KCNIP4: variants seen among roughly 807,000 people sequenced by gnomAD.
KCNIP4 encodes Kv channel-interacting protein 4.
A neutral mutation model predicts 34.0 loss-of-function variants in KCNIP4; 12 were observed. The observed-to-expected ratio is 0.35, with a 90% CI of 0.23 to 0.57. KCNIP4 has a LOEUF of 0.57. Among genes scored for constraint, KCNIP4 ranks in the 20% least tolerant of loss-of-function variants. The pLI, the probability that KCNIP4 is intolerant of heterozygous loss-of-function variation, is 0.83. For synonymous variants in KCNIP4, 124 were observed against 102.2 expected (o/e 1.21, Z -1.29); for missense variants, 238 against 311.7 (o/e 0.76, Z 1.78).
chr4:20,882,998 A>G (rs183909697), intron 1 of KCNIP4, among the ~76,000 whole-genome samples: 2 of 137,866 alleles, frequency 1.5e-5, no homozygotes, highest in Non-Finnish European at 3.1e-5. Context: ...GCCACCAAAA[A>G]AATCTGGTGG....
chr4:21,687,628 A>T (rs1750917105), intron 1 of KCNIP4, among the ~76,000 whole-genome samples: 1 of 152,188 alleles, frequency 6.6e-6, no homozygotes, highest in Non-Finnish European at 1.5e-5. Flanking sequence ...GAAAACTACA[A>T]TGCCTCCCAG....
intron 1 of KCNIP4, among the ~76,000 whole-genome samples, chr4:21,681,727 C>T (rs868032847): frequency 2.6e-5 from 4 of 152,080 alleles, no homozygotes; most frequent in African/African-American, 7.2e-5. Context: ...ATTGGCTCAC[C>T]GTTCTGCAGG....
chr4:21,649,029 G>T (rs1747266978), intron 1 of KCNIP4, among the ~76,000 whole-genome samples: 1 of 152,088 alleles, frequency 6.6e-6, no homozygotes, highest in South Asian at 2.1e-4. Context: ...CAATTTAGTG[G>T]AAGATAAAGA....
chr4:21,810,638 C>T (rs1007091035), intron 1 of KCNIP4, among the ~76,000 whole-genome samples: 5 of 143,812 alleles, frequency 3.5e-5, no homozygotes, highest in South Asian at 2.2e-4. Flanking sequence ...TGCAGTGAGC[C>T]GAGATCGCGC....
At chr4:21,646,174 C>T (rs1746995496) in intron 1 of KCNIP4, among the ~76,000 whole-genome samples, 1 of 152,170 alleles carries the variant, frequency 6.6e-6, no homozygotes, top group Admixed American at 6.5e-5. Context: ...GTAAAGCCTA[C>T]ATTATTATCC....
intron 1 of KCNIP4, among the ~76,000 whole-genome samples, chr4:21,911,517 T>A (rs1728314826): frequency 7.2e-6 from 1 of 138,634 alleles, no homozygotes; most frequent in Non-Finnish European, 1.6e-5. Flanking sequence ...ACTTTTTTTT[T>A]TTTTTTTTTT....
At chr4:20,925,873 C>T (rs754264924) in intron 1 of KCNIP4, among the ~76,000 whole-genome samples, 6 of 152,214 alleles carry the variant, frequency 3.9e-5, no homozygotes, top group African/African-American at 7.2e-5. Context: ...TAACTCTTTC[C>T]GAGTGGAGTC....
At chr4:20,869,520 A>G (rs1356268710) in intron 2 of KCNIP4, among the ~76,000 whole-genome samples, 2 of 152,100 alleles carry the variant, frequency 1.3e-5, no homozygotes, top group Non-Finnish European at 2.9e-5. Context: ...CTTCAACACT[A>G]GGAGCAGAAC....
At chr4:21,838,872 T>C (rs1027258237) in intron 1 of KCNIP4, among the ~76,000 whole-genome samples, 14 of 152,344 alleles carry the variant, frequency 9.2e-5, no homozygotes, top group Admixed American at 5.9e-4. Context: ...ATTTTTTCTC[T>C]TGAATATCTC....
At chr4:20,833,734 C>A (rs961927712) in intron 3 of KCNIP4, among the ~76,000 whole-genome samples, 1 of 152,120 alleles carries the variant, frequency 6.6e-6, no homozygotes, top group African/African-American at 2.4e-5. Context: ...TTATCCCACA[C>A]ACAGTGCAGT....
intron 1 of KCNIP4, among the ~76,000 whole-genome samples, chr4:21,411,855 C>T (rs893527584): frequency 2.0e-5 from 3 of 151,976 alleles, no homozygotes; most frequent in African/African-American, 7.2e-5. Context: ...TAAAAGAAGT[C>T]AGAATTATCT....
intron 1 of KCNIP4, among the ~76,000 whole-genome samples, chr4:21,600,404 C>T (rs968922833): frequency 2.6e-5 from 4 of 152,006 alleles, no homozygotes; most frequent in African/African-American, 7.2e-5. Context: ...TTTGGGGGTA[C>T]ACGTGCTAGT....
At chr4:21,273,301 A>G (rs541575151) in intron 1 of KCNIP4, among the ~76,000 whole-genome samples, 1 of 152,184 alleles carries the variant, frequency 6.6e-6, no homozygotes, top group African/African-American at 2.4e-5. Context: ...ATTTCTTCCT[A>G]ATTGTTGACT....
chr4:21,800,305 A>G (rs1169441893), intron 1 of KCNIP4, among the ~76,000 whole-genome samples: 1 of 152,192 alleles, frequency 6.6e-6, no homozygotes, highest in Non-Finnish European at 1.5e-5. Context: ...TTCAACTAAA[A>G]TAATAAGAGA....
intron 1 of KCNIP4, among the ~76,000 whole-genome samples, chr4:21,296,133 T>C (rs774752806): frequency 3.3e-5 from 5 of 152,162 alleles, no homozygotes; most frequent in African/African-American, 4.8e-5. Context: ...TTGTTTACCA[T>C]GAAAAAGTTC....
chr4:21,474,177 A>G (rs1190917774), intron 1 of KCNIP4, among the ~76,000 whole-genome samples: 2 of 152,172 alleles, frequency 1.3e-5, no homozygotes, highest in African/African-American at 4.8e-5. Context: ...ATTTTCTTTC[A>G]TGAACTCTAT....
intron 1 of KCNIP4, among the ~76,000 whole-genome samples, chr4:21,247,643 A>G (rs1403519201): frequency 7.6e-6 from 1 of 130,992 alleles, no homozygotes; most frequent in Non-Finnish European, 1.5e-5. Flanking sequence ...ATATATCTAT[A>G]TATTTATATC....
At chr4:21,308,911 C>T (rs1712805253) in intron 1 of KCNIP4, among the ~76,000 whole-genome samples, 1 of 152,102 alleles carries the variant, frequency 6.6e-6, no homozygotes, top group African/African-American at 2.4e-5. Context: ...AGTCCTTCAG[C>T]TCAGGCTCTA....
chr4:21,344,425 T>C (rs1216943690), intron 1 of KCNIP4, among the ~76,000 whole-genome samples: 1 of 152,068 alleles, frequency 6.6e-6, no homozygotes, highest in Non-Finnish European at 1.5e-5. Context: ...TTTCATAGGA[T>C]TTGCAATAGC....
Sources: gnomAD v4.1 joint callset for allele counts (sites outside exome capture counted in the v4.1 genomes callset) on GRCh38, gnomAD v4.1.1 for gene constraint, MANE v1.5 for transcripts, NCBI Gene and HGNC (gene_info 2026-07-23, HGNC 2026-07-21) for gene names.